ASIC2: variants seen among roughly 807,000 people sequenced by gnomAD.
ASIC2 encodes the protein acid sensing ion channel subunit 2.
Under a neutral mutation model 57.3 loss-of-function variants are expected in ASIC2, and 25 were observed. That is an observed-to-expected ratio of 0.44 (90% CI 0.32 to 0.61). ASIC2 has a LOEUF of 0.61. Among genes scored for constraint, ASIC2 ranks in the 20% least tolerant of loss-of-function variants. ASIC2 has a pLI of 0.06. For synonymous variants in ASIC2, 319 were observed against 307.5 expected (o/e 1.04, Z -0.39); for missense variants, 641 against 738.1 (o/e 0.87, Z 1.52).
At chr17:33,536,481 G>A (rs1915233298) in intron 1 of ASIC2, among the ~76,000 whole-genome samples, 1 of 152,196 alleles carries the variant, frequency 6.6e-6, no homozygotes, top group African/African-American at 2.4e-5. Context: ...TACAAAATAA[G>A]GTCACCCTGC....
intron 3 of ASIC2, among the ~76,000 whole-genome samples, chr17:33,075,217 C>T (rs922813074): frequency 1.3e-5 from 2 of 152,268 alleles, no homozygotes; most frequent in Non-Finnish European, 1.5e-5. Context: ...TAAGGGGTTT[C>T]CCCTTTTGCT....
At chr17:33,719,950 G>A (rs772006644) in intron 1 of ASIC2, among the ~76,000 whole-genome samples, 8 of 152,132 alleles carry the variant, frequency 5.3e-5, no homozygotes, top group South Asian at 2.1e-4. Flanking sequence ...GTGCAATCTC[G>A]GCTCACTGAA....
At chr17:33,961,494 C>G (rs980124980) in intron 1 of ASIC2, among the ~76,000 whole-genome samples, 2 of 152,178 alleles carry the variant, frequency 1.3e-5, no homozygotes, top group African/African-American at 2.4e-5. Flanking sequence ...TCCAACTCCA[C>G]CTGGCTGAAG....
At chr17:33,209,012 G>A (rs1000712307) in intron 1 of ASIC2, among the ~76,000 whole-genome samples, 1 of 152,086 alleles carries the variant, frequency 6.6e-6, no homozygotes, top group Non-Finnish European at 1.5e-5. Context: ...TAATGCTCTG[G>A]TGTGTATTTA....
chr17:33,485,989 C>G (rs1018115054), intron 1 of ASIC2, among the ~76,000 whole-genome samples: 5 of 152,216 alleles, frequency 3.3e-5, no homozygotes, highest in Non-Finnish European at 7.3e-5. Flanking sequence ...TTTGCTGCCA[C>G]CTTGCCCCCG....
At chr17:33,657,229 A>C (rs1002254812) in intron 1 of ASIC2, among the ~76,000 whole-genome samples, 4 of 151,812 alleles carry the variant, frequency 2.6e-5, no homozygotes, top group Non-Finnish European at 5.9e-5. Context: ...AGTGGTCCAA[A>C]CCCCCCATCC....
At chr17:33,397,626 C>G (rs1043540039) in intron 1 of ASIC2, among the ~76,000 whole-genome samples, 3 of 152,130 alleles carry the variant, frequency 2.0e-5, no homozygotes, top group African/African-American at 7.2e-5. Context: ...TTCATTTTTA[C>G]TAGAACTGTC....
At chr17:33,274,605 T>C (rs192982884) in intron 1 of ASIC2, among the ~76,000 whole-genome samples, 1 of 151,994 alleles carries the variant, frequency 6.6e-6, no homozygotes, top group East Asian at 1.9e-4. Flanking sequence ...AAAGACTGCA[T>C]ATATCAGTGA....
At chr17:33,233,472 T>G (rs997520105) in intron 1 of ASIC2, among the ~76,000 whole-genome samples, 1 of 151,330 alleles carries the variant, frequency 6.6e-6, no homozygotes. Context: ...CTTTCCAGAA[T>G]TTAAAAACTG....
At chr17:34,146,579 C>T (rs570813995) in intron 1 of ASIC2, among the ~76,000 whole-genome samples, 30 of 152,314 alleles carry the variant, frequency 2.0e-4, no homozygotes, top group Admixed American at 7.8e-4. Context: ...TGTATTCCAT[C>T]TTGAGGTGAG....
intron 1 of ASIC2, among the ~76,000 whole-genome samples, chr17:33,275,667 G>A (rs1276726786): frequency 2.0e-5 from 3 of 152,310 alleles, no homozygotes; most frequent in Admixed American, 1.3e-4. Flanking sequence ...GAGAATGGAC[G>A]TGAAACTGCT....
At chr17:34,016,196 AG>A (rs1906947199) in intron 1 of ASIC2, among the ~76,000 whole-genome samples, 2 of 152,154 alleles carry the variant, frequency 1.3e-5, no homozygotes, top group African/African-American at 4.8e-5. Flanking sequence ...AGGCCGAGGC[AG>A]GTGGATCACC....
chr17:33,161,862 T>G (rs1905171112), intron 1 of ASIC2, among the ~76,000 whole-genome samples: 1 of 75,754 alleles, frequency 1.3e-5, no homozygotes, highest in African/African-American at 5.2e-5. Flanking sequence ...CCTAGGTTTT[T>G]TTTTTTTTTT....
At chr17:33,677,342 C>T (rs1907858167) in intron 1 of ASIC2, among the ~76,000 whole-genome samples, 1 of 152,302 alleles carries the variant, frequency 6.6e-6, no homozygotes, top group South Asian at 2.1e-4. Flanking sequence ...GCTCATTCAC[C>T]ATTTTGAAAA....
chr17:33,797,570 T>G (rs964321390), intron 1 of ASIC2, among the ~76,000 whole-genome samples: 11 of 152,214 alleles, frequency 7.2e-5, no homozygotes, highest in African/African-American at 2.7e-4. Flanking sequence ...TAAATAAATA[T>G]GCATGTTGAT....
intron 1 of ASIC2, among the ~76,000 whole-genome samples, chr17:33,407,079 A>AT (rs1339864002): frequency 2.6e-5 from 4 of 152,140 alleles, no homozygotes; most frequent in African/African-American, 9.7e-5. Context: ...CTGAGTCTTA[A>AT]TTTTTTTCAC....
intron 4 of ASIC2, among the ~76,000 whole-genome samples, chr17:33,026,430 A>C (rs547711012): frequency 4.6e-5 from 7 of 152,328 alleles, no homozygotes; most frequent in Non-Finnish European, 8.8e-5. Context: ...TTTGAGGCTT[A>C]AGCATCCTGC....
intron 1 of ASIC2, among the ~76,000 whole-genome samples, chr17:33,192,957 T>C (rs1011357056): frequency 5.9e-5 from 9 of 152,202 alleles, no homozygotes; most frequent in Admixed American, 5.9e-4. Context: ...TTTTCCTGAA[T>C]TGGCCATTAT....
chr17:33,603,786 T>A (rs1209192687), intron 1 of ASIC2, among the ~76,000 whole-genome samples: 1 of 152,180 alleles, frequency 6.6e-6, no homozygotes, highest in Non-Finnish European at 1.5e-5. Flanking sequence ...AGAAGTTCAT[T>A]CCCCACTCTA....
Sources: allele counts gnomAD v4.1 joint callset (sites outside exome capture counted in the v4.1 genomes callset), GRCh38; gene constraint gnomAD v4.1.1; transcripts MANE v1.5; gene names NCBI Gene and HGNC (gene_info 2026-07-23, HGNC 2026-07-21).